Variants in PCDHA6 observed in about 807,000 individuals in gnomAD.
PCDHA6 encodes protocadherin alpha 6, also known as protocadherin alpha-6.
In PCDHA6, 55 loss-of-function variants were observed where a neutral mutation model predicts 60.3. The observed-to-expected ratio is 0.91, with a 90% CI of 0.73 to 1.14. The LOEUF (loss-of-function observed/expected upper bound fraction) is 1.14, where lower values mean the gene tolerates loss of function less well. PCDHA6 is among the 50% of genes most tolerant of loss of function. The probability of loss-of-function intolerance (pLI) is 0.00; values close to 1 mark genes in which losing one functional copy is unlikely to be tolerated. For missense variants in PCDHA6, 1,327 were observed against 1,256.5 expected, an observed-to-expected ratio of 1.06 and a Z score of -0.85; for synonymous variants, 652 against 557.9, an observed-to-expected ratio of 1.17 and a Z score of -2.38.
intron 1 of PCDHA6, among the ~76,000 whole-genome samples, chr5:140,906,808 C>A (rs902394073): frequency 6.6e-6 from 1 of 152,214 alleles, no homozygotes; most frequent in Non-Finnish European, 1.5e-5. Flanking sequence ...CTCTTCCTTA[C>A]CTCCACTGTG....
chr5:140,995,434 A>G (rs146744164), intron 3 of PCDHA6, among the ~76,000 whole-genome samples: 4 of 152,320 alleles, frequency 2.6e-5, no homozygotes, highest in African/African-American at 7.2e-5. Context: ...ACAGCTTGCA[A>G]TTTAAAACTT....
chr5:140,872,593 A>T (rs1214441484), intron 1 of PCDHA6, among the ~76,000 whole-genome samples: 1 of 152,160 alleles, frequency 6.6e-6, no homozygotes, highest in African/African-American at 2.4e-5. Flanking sequence ...TGAGACCCCC[A>T]TCTGAAAAAA....
intron 1 of PCDHA6, chr5:140,836,418 T>G (rs1470820599): frequency 6.2e-7 from 1 of 1,613,726 alleles, no homozygotes; most frequent in Non-Finnish European, 8.5e-7. Context: ...ACCAAAGGCG[T>G]CGTCGCGGGC....
rs2150170274 is a variant in PCDHA6, at chr5:140,829,569, C to A, written c.1478C>A (p.Ser493Ter). The A allele has an allele frequency of 3.7e-6, 6 of 1,612,484 alleles. No homozygotes were observed. The African/African-American group carries it at 4.0e-5, about 11-fold the overall frequency. ...CAGGAGAACGCGCTGGTGTCCTACT[C>A]GCTGGTGGAGCGGCGGGTGGGCGAG... ...DAQENALVSY[S>*]LVERRVGERA... The change falls in exon 1 of 4, where the codon TCG becomes TAG. Residue 493 changes from serine to a stop codon, truncating the protein, a stop_gained. Transcript: ENST00000529310. LOFTEE classifies it high-confidence loss of function.
intron 1 of PCDHA6, chr5:140,876,192 G>C: frequency 6.2e-7 from 1 of 1,613,850 alleles, no homozygotes; most frequent in Non-Finnish European, 8.5e-7. Flanking sequence ...ACAATGGTCC[G>C]GCGTTTGATA....
intron 1 of PCDHA6, among the ~76,000 whole-genome samples, chr5:140,935,903 T>TTC (rs1289164766): frequency 4.6e-4 from 69 of 151,456 alleles, no homozygotes; most frequent in African/African-American, 1.6e-3. Flanking sequence ...TCTTTTTTTT[T>TTC]TTTTTTTGAG....
chr5:140,884,054 G>C (rs1313975286), intron 1 of PCDHA6: 8 of 1,613,390 alleles, frequency 5.0e-6, no homozygotes, highest in Non-Finnish European at 4.2e-6. Context: ...GAAGGTGCGC[G>C]CGGTGGACGC....
chr5:140,828,627 G>A lies in PCDHA6; in HGVS notation c.536G>A (p.Gly179Glu), dbSNP rs1769859813. The change falls in exon 1 of 4, where the codon GGG becomes GAG. Residue 179 changes from glycine to glutamate, a missense_variant. Coordinates refer to ENST00000529310, the MANE Select transcript of PCDHA6 (RefSeq NM_018909.4). ...TYKLSSSEYFGLDVKINSDDN... is the reference protein window; with the variant it reads ...TYKLSSSEYFELDVKINSDDN... ...AAACTCAGTTCTAGCGAATACTTCG[G>A]GCTAGATGTGAAAATAAACAGTGAT... The A allele has an allele frequency of 3.7e-6, 6 of 1,614,114 alleles. No homozygotes were observed. Among genetic ancestry groups the A allele is most frequent in the Non-Finnish European group, 5.1e-6 (6 of 1,179,986 alleles).
chr5:140,933,522 T>A (rs1399438253), intron 1 of PCDHA6, among the ~76,000 whole-genome samples: 3 of 152,066 alleles, frequency 2.0e-5, no homozygotes, highest in Non-Finnish European at 4.4e-5. Flanking sequence ...AGCTGTTTTG[T>A]TTAAACTCAA....
At chr5:140,880,791 A>G (rs950375774) in intron 1 of PCDHA6, among the ~76,000 whole-genome samples, 4 of 152,242 alleles carry the variant, frequency 2.6e-5, no homozygotes, top group Non-Finnish European at 4.4e-5. Context: ...GAGGAGTAAT[A>G]TAAATAGGTG....
At chr5:140,884,158 G>T (rs376345503) in intron 1 of PCDHA6, 6 of 1,613,488 alleles carry the variant, frequency 3.7e-6, no homozygotes, top group Non-Finnish European at 5.1e-6. Context: ...ACACTGGCGA[G>T]ATCAGCACGA....
chr5:140,966,052 C>G (rs2095962967), intron 1 of PCDHA6, among the ~76,000 whole-genome samples: 1 of 152,158 alleles, frequency 6.6e-6, no homozygotes, highest in Admixed American at 6.5e-5. Context: ...GCCAGTAACC[C>G]CAGAGCGCCT....
chr5:140,918,072 T>C (rs1271495774), intron 1 of PCDHA6, among the ~76,000 whole-genome samples: 1 of 152,142 alleles, frequency 6.6e-6, no homozygotes, highest in Non-Finnish European at 1.5e-5. Flanking sequence ...TTTCTTTCAG[T>C]AGTGTTTTAT....
Position 140,828,389 on chromosome 5 carries a change from G to A in PCDHA6, c.298G>A (p.Ala100Thr), listed in dbSNP as rs1769730233. 6.2e-7 allele frequency: 1 copy of A among 1,614,162 alleles called. No homozygotes were observed. Among genetic ancestry groups the A allele is most frequent in the Admixed American group, 1.7e-5 (1 of 60,014 alleles). The change falls in exon 1 of 4, where the codon GCG becomes ACG. Residue 100 changes from alanine (A) to threonine (T), a missense_variant. By Grantham distance (58) the Ala-to-Thr change is moderately conservative (BLOSUM62 0). Transcript: ENST00000529310. ...CCGCGAGGAGCTGTGCGGGCGGAGC[G>A]CGGAGTGCAGCATCCACCTGGAGGT... Reference protein sequence around the residue: ...IDREELCGRSAECSIHLEVIV... With the variant: ...IDREELCGRSTECSIHLEVIV...
intron 1 of PCDHA6, among the ~76,000 whole-genome samples, chr5:140,919,658 T>C (rs1271844986): frequency 2.0e-5 from 3 of 152,230 alleles, no homozygotes; most frequent in Non-Finnish European, 2.9e-5. Context: ...GTTTACCATA[T>C]ATATTTTAGC....
chr5:140,870,397 C>T (rs1554164199), intron 1 of PCDHA6: 2 of 1,614,230 alleles, frequency 1.2e-6, no homozygotes, highest in South Asian at 1.1e-5. Flanking sequence ...TGGGGGTTCG[C>T]CTTCTCTGTG....
At chr5:140,920,859 C>T in intron 1 of PCDHA6, among the ~76,000 whole-genome samples, 1 of 142,452 alleles carries the variant, frequency 7.0e-6, no homozygotes, top group African/African-American at 2.6e-5. Flanking sequence ...AAAAAAAAAA[C>T]AAACAAACTG....
At chr5:140,884,345 C>T (rs782318945) in intron 1 of PCDHA6, 1 of 1,613,798 alleles carries the variant, frequency 6.2e-7, no homozygotes, top group Non-Finnish European at 8.5e-7. Flanking sequence ...AGAAGCGGCG[C>T]TGGTGGATGT....
intron 1 of PCDHA6, among the ~76,000 whole-genome samples, chr5:140,913,086 A>G (rs937964424): frequency 6.6e-6 from 1 of 152,142 alleles, no homozygotes; most frequent in Admixed American, 6.6e-5. Flanking sequence ...TGGTATCAGG[A>G]TAATACTGGC....
Sources: gnomAD v4.1 joint callset for allele counts (sites outside exome capture counted in the v4.1 genomes callset) on GRCh38, gnomAD v4.1.1 for gene constraint, MANE v1.5 for transcripts, NCBI Gene and HGNC (gene_info 2026-07-23, HGNC 2026-07-21) for gene names.